The following OR1B1 variants were observed in gnomAD, a reference collection of about 807,000 sequenced individuals.
The protein encoded by OR1B1 is olfactory receptor family 1 subfamily B member 1, also known as olfactory receptor 1B1.
For missense variants in OR1B1, 414 were observed against 402.1 expected (o/e 1.03, Z -0.25); for synonymous variants, 168 against 156.2 (o/e 1.08, Z -0.57).
the OR1B1 span, among the ~76,000 whole-genome samples, chr9:122,643,656 G>A: frequency 9.2e-5 from 14 of 152,352 alleles, no homozygotes; most frequent in African/African-American, 2.9e-4. Context: ...GAAGGCTGGC[G>A]CCATACCTCC....
At chr9:122,655,425 T>A in the OR1B1 span, among the ~76,000 whole-genome samples, 3 of 151,912 alleles carry the variant, frequency 2.0e-5, no homozygotes, top group South Asian at 6.2e-4. Context: ...CTTACCTAAA[T>A]CAACCCAGAC....
chr9:122,638,996 G>GGT, the OR1B1 span, among the ~76,000 whole-genome samples: 1 of 152,022 alleles, frequency 6.6e-6, no homozygotes, highest in Non-Finnish European at 1.5e-5. Context: ...ACACTACAGT[G>GGT]GTTCGATTAT....
the OR1B1 span, among the ~76,000 whole-genome samples, chr9:122,634,746 T>C: frequency 6.6e-6 from 1 of 152,068 alleles, no homozygotes; most frequent in African/African-American, 2.4e-5. Context: ...TCCAAAGATA[T>C]ACAAATGGCC....
the OR1B1 span, among the ~76,000 whole-genome samples, chr9:122,654,025 T>C: frequency 6.6e-6 from 1 of 152,116 alleles, no homozygotes; most frequent in South Asian, 2.1e-4. Flanking sequence ...ACAGTAAACA[T>C]GCTCCAGAAA....
At chr9:122,630,537 T>C (rs1830193730), upstream of OR1B1, among the ~76,000 whole-genome samples, 1 of 152,208 alleles carries the variant, frequency 6.6e-6, no homozygotes, top group Non-Finnish European at 1.5e-5. Context: ...TGATAGGTCT[T>C]CCATACTGAT....
upstream of OR1B1, among the ~76,000 whole-genome samples, chr9:122,634,335 C>CAA (rs754164135): frequency 0.1 from 8,717 of 86,642 alleles, 320 homozygotes; most frequent in Middle Eastern, 0.2. Context: ...AACTCCATCT[C>CAA]AAAAAAAAAA....
At chr9:122,639,799 C>T in the OR1B1 span, 1 of 149,448 alleles carries the variant, frequency 6.7e-6, no homozygotes. Flanking sequence ...TGAAATTATT[C>T]AAGTATAATT....
the OR1B1 span, among the ~76,000 whole-genome samples, chr9:122,652,337 C>T: frequency 7.9e-5 from 12 of 152,186 alleles, no homozygotes; most frequent in African/African-American, 2.9e-4. Flanking sequence ...TTATCTGAAA[C>T]TAGTAAACAG....
At chr9:122,630,062 C>A (rs960714394), upstream of OR1B1, among the ~76,000 whole-genome samples, 1 of 152,154 alleles carries the variant, frequency 6.6e-6, no homozygotes, top group Admixed American at 6.5e-5. Flanking sequence ...CCTCTAAGGT[C>A]TGGAACAAGA....
exon 1 of OR1B1, chr9:122,628,839 G>C (rs774435332): frequency 6.2e-7 from 1 of 1,614,114 alleles, no homozygotes; most frequent in South Asian, 1.1e-5. Context: ...GAAGGCAAAC[G>C]TAGAATAGCG....
At chr9:122,628,585 G>T (rs776608291) in exon 1 of OR1B1, 23 of 1,597,180 alleles carry the variant, frequency 1.4e-5, no homozygotes, top group Non-Finnish European at 1.9e-5. Context: ...CTAATCAGGG[G>T]TCTACCTTCA....
chr9:122,638,080 A>C, the OR1B1 span, among the ~76,000 whole-genome samples: 1 of 152,240 alleles, frequency 6.6e-6, no homozygotes, highest in African/African-American at 2.4e-5. Flanking sequence ...AAATGATAGA[A>C]AAGTATAACA....
At chr9:122,642,276 A>G in the OR1B1 span, among the ~76,000 whole-genome samples, 1 of 152,210 alleles carries the variant, frequency 6.6e-6, no homozygotes, top group Non-Finnish European at 1.5e-5. Context: ...ATTGATAGAG[A>G]AAGACAATAA....
chr9:122,649,351 T>G, the OR1B1 span, among the ~76,000 whole-genome samples: 1 of 152,150 alleles, frequency 6.6e-6, no homozygotes, highest in Non-Finnish European at 1.5e-5. Context: ...GGCAAAGACT[T>G]CATGTCTAAA....
At chr9:122,641,212 AGTG>A in the OR1B1 span, among the ~76,000 whole-genome samples, 2 of 152,194 alleles carry the variant, frequency 1.3e-5, no homozygotes, top group Admixed American at 1.3e-4. Context: ...TCTGAACAAT[AGTG>A]GTGAATGTGA....
chr9:122,638,101 A>G, the OR1B1 span, among the ~76,000 whole-genome samples: 3,796 of 152,352 alleles, frequency 0.025, 158 homozygotes, highest in East Asian at 0.19. Flanking sequence ...ACAGATATAA[A>G]GTTGTAAAAC....
At chr9:122,641,544 A>G in the OR1B1 span, among the ~76,000 whole-genome samples, 1 of 152,208 alleles carries the variant, frequency 6.6e-6, no homozygotes, top group African/African-American at 2.4e-5. Context: ...TGCACACTGA[A>G]TGTGAGAATT....
chr9:122,641,764 A>G, the OR1B1 span, among the ~76,000 whole-genome samples: 2 of 152,226 alleles, frequency 1.3e-5, no homozygotes, highest in Admixed American at 6.5e-5. Context: ...CCACAAAAAT[A>G]TAAGTATGTG....
At chr9:122,652,055 C>CA in the OR1B1 span, among the ~76,000 whole-genome samples, 1 of 152,162 alleles carries the variant, frequency 6.6e-6, no homozygotes, top group Admixed American at 6.5e-5. Context: ...CTTGGCCTCC[C>CA]AAAATGCATC....
Sources: allele counts gnomAD v4.1 joint callset (sites outside exome capture counted in the v4.1 genomes callset), GRCh38; gene constraint gnomAD v4.1.1; transcripts MANE v1.5; gene names NCBI Gene and HGNC (gene_info 2026-07-23, HGNC 2026-07-21).